The following ITSN1 variants were observed in gnomAD, a reference collection of about 807,000 sequenced individuals.
The protein encoded by ITSN1 is intersectin-1.
ITSN1 carries 58 observed loss-of-function variants against 239.8 expected under a neutral mutation model. The observed-to-expected ratio is 0.24, with a 90% CI of 0.20 to 0.30. The LOEUF (loss-of-function observed/expected upper bound fraction) is 0.30, where lower values mean the gene tolerates loss of function less well. Ranked by LOEUF, ITSN1 falls within the 10% of genes least tolerant of loss-of-function variation. The pLI is 1.00. For missense variants in ITSN1, 1,558 were observed against 2,103.3 expected (o/e 0.74, Z 5.07); for synonymous variants, 780 against 770.8 (o/e 1.01, Z -0.20).
intron 1 of ITSN1, among the ~76,000 whole-genome samples, chr21:33,702,769 A>G (rs1030042118): frequency 6.6e-6 from 1 of 152,224 alleles, no homozygotes; most frequent in Non-Finnish European, 1.5e-5. Flanking sequence ...TTATCATGCA[A>G]AATGACATTT....
intron 29 of ITSN1, among the ~76,000 whole-genome samples, chr21:33,844,355 C>T (rs573687719): frequency 4.6e-5 from 7 of 152,310 alleles, no homozygotes; most frequent in East Asian, 1.9e-4. Flanking sequence ...TTAAATGTCA[C>T]GTCTGGACTG....
chr21:33,837,801 T>A, intron 29 of ITSN1: 1 of 985,888 alleles, frequency 1.0e-6, no homozygotes, highest in Non-Finnish European at 1.2e-6. Context: ...GGTCTCAGAT[T>A]TATCTGGTTG....
intron 9 of ITSN1, among the ~76,000 whole-genome samples, chr21:33,765,356 G>C (rs2068643802): frequency 6.6e-6 from 1 of 152,180 alleles, no homozygotes; most frequent in Non-Finnish European, 1.5e-5. Context: ...AAATTAGCTA[G>C]GCATGGTGGC....
At chr21:33,777,801 T>C (rs2069761042) in intron 14 of ITSN1, among the ~76,000 whole-genome samples, 1 of 152,232 alleles carries the variant, frequency 6.6e-6, no homozygotes, top group Admixed American at 6.5e-5. Context: ...TAACTTCCTT[T>C]GTGTGTCTTA....
At position 33,819,245 on chromosome 21, in the gene ITSN1, G is replaced by C. The variant is rs1460213279; in HGVS notation, c.2938G>C (p.Asp980His). The C allele has an allele frequency of 6.2e-7, 1 of 1,611,498 alleles. No individual in the cohort carries two copies. The highest frequency in any genetic ancestry group is 8.5e-7 in the Non-Finnish European group (1 of 1,178,294). Residue 980 changes from aspartate (D) to histidine (H), a missense_variant, in exon 24 of 40, where the codon GAT (aspartate) becomes CAT (histidine). Asp to His is a moderately conservative substitution (Grantham distance 81). Around this residue, in one of 2 missense-constraint regions of ITSN1, gnomAD observed 982 missense variants for 1,209.9 expected, o/e 0.81. Coordinates refer to ENST00000381318, the MANE Select transcript of ITSN1 (RefSeq NM_003024.3). The stretch of plus-strand genomic sequence containing the variant: ...TCTCTTCTTCCATTATTGCAGCATG[G>C]ATTCTGGTTCTTCAGAGAGTCCTGC... ...SGPIRKSTSM[D>H]SGSSESPASL...
intron 8 of ITSN1, among the ~76,000 whole-genome samples, chr21:33,761,393 A>G (rs1602071374): frequency 6.6e-6 from 1 of 151,242 alleles, no homozygotes; most frequent in African/African-American, 2.4e-5. Flanking sequence ...CCTGGCTATT[A>G]GCGCTTCCTG....
chr21:33,877,921 G>T (rs1984229110), intron 34 of ITSN1, among the ~76,000 whole-genome samples: 1 of 147,334 alleles, frequency 6.8e-6, no homozygotes. Context: ...TAAAGTTTTT[G>T]TTGGGTGAGT....
At chr21:33,751,151 A>G (rs761758766) in intron 6 of ITSN1, among the ~76,000 whole-genome samples, 2 of 152,226 alleles carry the variant, frequency 1.3e-5, no homozygotes, top group Non-Finnish European at 2.9e-5. Context: ...TCTTGCATAT[A>G]TGACCATGAC....
chr21:33,717,443 C>T (rs1008688409), intron 1 of ITSN1, among the ~76,000 whole-genome samples: 3 of 152,008 alleles, frequency 2.0e-5, no homozygotes, highest in Non-Finnish European at 2.9e-5. Context: ...GTGATCTGCC[C>T]GACTCAGCCT....
At chr21:33,820,392 C>A (rs1158142171) in intron 24 of ITSN1, among the ~76,000 whole-genome samples, 1 of 152,176 alleles carries the variant, frequency 6.6e-6, no homozygotes, top group Non-Finnish European at 1.5e-5. Context: ...TTAACAGATG[C>A]CATAACTAAC....
At position 33,830,900 on chromosome 21, in the gene ITSN1, G is replaced by A. The variant is rs188653451; in HGVS notation, c.3351+1155G>A. 4.6e-5 allele frequency among the ~76,000 whole-genome samples: 7 copies of A among 150,708 alleles called. No homozygotes were observed. In the East Asian group the frequency reaches 1.4e-3, roughly 29 times the overall value. On this transcript the variant is annotated intron_variant, in intron 27 of 39. Coordinates refer to ENST00000381318, the MANE Select transcript of ITSN1 (RefSeq NM_003024.3). Reference sequence around the variant, plus strand: ...AAAAAGAACTTGCAGAGAAGAGGGTGGGGGGGGAGGGAGGGAGAACGCGCA... The same window carrying A: ...AAAAAGAACTTGCAGAGAAGAGGGTAGGGGGGGAGGGAGGGAGAACGCGCA...
chr21:33,702,719 C>A (rs2092077260), intron 1 of ITSN1, among the ~76,000 whole-genome samples: 1 of 152,170 alleles, frequency 6.6e-6, no homozygotes, highest in African/African-American at 2.4e-5. Flanking sequence ...GATAGCAAAA[C>A]ATTGGAACTG....
intron 29 of ITSN1, among the ~76,000 whole-genome samples, chr21:33,843,045 T>TTATTCA (rs2074878515): frequency 6.6e-6 from 1 of 152,086 alleles, no homozygotes; most frequent in East Asian, 1.9e-4. Context: ...GAGCGCAGGA[T>TTATTCA]GTTCTCTGCG....
chr21:33,824,264 A>G (rs2007477), intron 25 of ITSN1, among the ~76,000 whole-genome samples: 112,845 of 151,988 alleles, frequency 0.74, 42,151 homozygotes, highest in East Asian at 0.99. Flanking sequence ...AAATTTGATC[A>G]CATAAACTGT....
intron 32 of ITSN1, among the ~76,000 whole-genome samples, chr21:33,866,247 G>T (rs1037505701): frequency 4.6e-5 from 7 of 152,140 alleles, no homozygotes; most frequent in African/African-American, 1.7e-4. Flanking sequence ...GCCTAGACTT[G>T]CCAGCCAAGG....
At chr21:33,702,500 TTTAA>T (rs1267197797) in intron 1 of ITSN1, among the ~76,000 whole-genome samples, 2 of 152,196 alleles carry the variant, frequency 1.3e-5, no homozygotes, top group Non-Finnish European at 1.5e-5. Flanking sequence ...CCAATTACAG[TTTAA>T]TTATTTGATA....
rs1206502467 is a variant in ITSN1 at position 33,712,502 on chromosome 21, C to T, written c.-32-6295C>T. ...ATCTCAGGTGTGAGCCTAAGACAAG[C>T]GGGAGTTAATTCACACAATGGCAGG... On this transcript the variant is annotated intron_variant, in intron 1 of 39. Transcript: ENST00000381318. Among the ~76,000 whole-genome samples, 5 of 152,124 alleles carry T rather than the reference C, an allele frequency of 3.3e-5. No individual in the cohort carries two copies. In the East Asian group the frequency reaches 5.8e-4, roughly 18 times the overall value.
chr21:33,850,996 G>C (rs573689719), intron 29 of ITSN1, among the ~76,000 whole-genome samples: 121 of 152,246 alleles, frequency 7.9e-4, no homozygotes, highest in African/African-American at 2.6e-3. Flanking sequence ...CAGAGGATTT[G>C]GGCTGAATGT....
At chr21:33,699,338 C>G (rs2091915959) in intron 1 of ITSN1, among the ~76,000 whole-genome samples, 1 of 152,268 alleles carries the variant, frequency 6.6e-6, no homozygotes, top group Admixed American at 6.5e-5. Context: ...ATCAATTACA[C>G]TTATTACCTT....
Sources: allele counts gnomAD v4.1 joint callset (sites outside exome capture counted in the v4.1 genomes callset), GRCh38; gene constraint gnomAD v4.1.1; regional missense constraint gnomAD v4.1.1; transcripts MANE v1.5; gene names NCBI Gene and HGNC (gene_info 2026-07-23, HGNC 2026-07-21).